Variants in MILR1 observed in about 807,000 individuals in gnomAD.
MILR1 encodes the protein mast cell immunoglobulin like receptor 1.
In MILR1, 31 loss-of-function variants were observed where a neutral mutation model predicts 18.5. The ratio of observed to expected loss-of-function variants is 1.68; its 90% CI spans 1.26 to 2.26. The LOEUF (loss-of-function observed/expected upper bound fraction) is 2.26, where lower values mean the gene tolerates loss of function less well. Among genes scored for constraint, MILR1 ranks in the 30% most tolerant of loss-of-function variants. MILR1 has a pLI of 0.00. For missense variants in MILR1, 257 were observed against 157.4 expected (o/e 1.63, Z -3.38); for synonymous variants, 85 against 56.2 (o/e 1.51, Z -2.30).
the MILR1 span, among the ~76,000 whole-genome samples, chr17:64,475,808 C>CTTTTTTTTT: frequency 2.0e-5 from 2 of 102,502 alleles, no homozygotes; most frequent in Non-Finnish European, 3.5e-5. Flanking sequence ...CTACCACTTC[C>CTTTTTTTTT]TTTTTTTTTT....
At chr17:64,457,299 T>A (rs1344947482) in intron 3 of MILR1, 101 bp from the exon 4 acceptor site, 4 of 410,784 alleles carry the variant, frequency 9.7e-6, no homozygotes, top group Non-Finnish European at 1.8e-5. Context: ...TTCATCTTGG[T>A]TCCACAGCCT....
At position 64,450,140 on chromosome 17, in the gene MILR1, TC is replaced by T. The variant is rs2037135542; in HGVS notation, c.97+786del. 4.6e-5 allele frequency among the ~76,000 whole-genome samples: 7 copies of T among 150,934 alleles called. 1 individual carries two copies. The South Asian group carries it at 1.5e-3, about 31-fold the overall frequency. On this transcript the variant is annotated intron_variant, in intron 2 of 9. Coordinates refer to ENST00000619286, the MANE Select transcript of MILR1 (RefSeq NM_001085423.2). ...TTTTTTGTAGAGACGGGGTTTCACA[TC>T]GTTAGCCAGGATGGTCTCGATCTCC...
chr17:64,495,787 C>T, the MILR1 span, among the ~76,000 whole-genome samples: 3 of 151,976 alleles, frequency 2.0e-5, no homozygotes, highest in African/African-American at 7.3e-5. Context: ...CGGCTCACTG[C>T]AACCTCTGCC....
the MILR1 span, chr17:64,485,896 T>C: frequency 6.2e-7 from 1 of 1,612,682 alleles, no homozygotes; most frequent in Admixed American, 1.7e-5. Flanking sequence ...AGAAAAATAA[T>C]CATTTCACAG....
At chr17:64,464,662 C>T (rs561542129) in intron 5 of MILR1, among the ~76,000 whole-genome samples, 1,827 of 152,264 alleles carry the variant, frequency 0.012, 38 homozygotes, top group African/African-American at 0.041. Flanking sequence ...TGAGGCTGGC[C>T]GGGCACAGTG....
the MILR1 span, chr17:64,492,951 A>T: frequency 1.2e-6 from 2 of 1,613,960 alleles, no homozygotes; most frequent in Non-Finnish European, 1.7e-6. Flanking sequence ...AACACACTCC[A>T]ATCTGAGCAA....
At chr17:64,460,439 G>A (rs2037406922) in intron 4 of MILR1, among the ~76,000 whole-genome samples, 1 of 152,156 alleles carries the variant, frequency 6.6e-6, no homozygotes, top group Non-Finnish European at 1.5e-5. Flanking sequence ...CCGGGCTCAA[G>A]CGATCACCCT....
rs1291187377 is a variant in MILR1, at chr17:64,466,535, A to C, written c.910+37A>C. On this transcript the variant is annotated intron_variant, in intron 7 of 9. Coordinates refer to ENST00000619286, the MANE Select transcript of MILR1 (RefSeq NM_001085423.2). ...CTGCAGAGTCTATTCCACTGCCCTC[A>C]TGCGCTTAGAAATTCACATAATTGG... 4.3e-6 allele frequency: 7 copies of C among 1,612,490 alleles called. No individual in the cohort carries two copies. In the South Asian group the frequency reaches 7.7e-5, roughly 18 times the overall value.
chr17:64,462,814 C>T (rs2144059886), intron 5 of MILR1, among the ~76,000 whole-genome samples: 1 of 151,922 alleles, frequency 6.6e-6, no homozygotes, highest in Admixed American at 6.6e-5. Context: ...TTAGTAAAGA[C>T]AGGGTTTCAC....
chr17:64,457,407 G>A lies in MILR1; in HGVS notation c.375G>A (p.Val125=), dbSNP rs2037324006. 2 of 475,238 alleles carry A rather than the reference G, an allele frequency of 4.2e-6. No homozygotes were observed. The highest frequency in any genetic ancestry group is 7.7e-6 in the Non-Finnish European group (2 of 259,080). 29.4% of individuals were successfully genotyped at this position (475,238 alleles called of 1,614,324 possible). The part of the protein sequence containing the change: ...RDFSFTIVDP[V]TSPVLNIMVI... ...TCACTTTCATTCTTCCAGACCCGGT[G>A]ACTTCCCCAGTGCTGAACATTATGG... is the stretch of plus-strand genomic sequence containing the variant. The change falls in exon 4 of 10, where the codon GTG becomes GTA. Residue 125 remains valine, a synonymous_variant. Coordinates refer to ENST00000619286, the MANE Select transcript of MILR1 (RefSeq NM_001085423.2).
intron 6 of MILR1, among the ~76,000 whole-genome samples, chr17:64,466,176 A>G (rs927929161): frequency 1.3e-5 from 2 of 152,200 alleles, no homozygotes; most frequent in Admixed American, 6.5e-5. Context: ...TGTGAGAACT[A>G]ACTCACTGTC....
At chr17:64,459,884 G>A (rs2037383713) in intron 4 of MILR1, among the ~76,000 whole-genome samples, 1 of 152,178 alleles carries the variant, frequency 6.6e-6, no homozygotes, top group Admixed American at 6.6e-5. Flanking sequence ...AATGTTGCTG[G>A]TATTCGTCCT....
the MILR1 span, among the ~76,000 whole-genome samples, chr17:64,479,210 G>A: frequency 6.9e-6 from 1 of 144,258 alleles, no homozygotes; most frequent in Admixed American, 6.9e-5. Flanking sequence ...TTGAGAAGGA[G>A]TCTCGCTCTG....
chr17:64,496,963 G>C, the MILR1 span: 1 of 1,605,206 alleles, frequency 6.2e-7, no homozygotes, highest in African/African-American at 1.3e-5. Flanking sequence ...CTACACGAGA[G>C]CGCATCTCTC....
At chr17:64,477,998 A>T in the MILR1 span, 6 of 1,613,282 alleles carry the variant, frequency 3.7e-6, no homozygotes, top group Non-Finnish European at 3.4e-6. Flanking sequence ...CCTAAGAAAA[A>T]AGTAGTTAAA....
intron 3 of MILR1, among the ~76,000 whole-genome samples, chr17:64,454,769 G>A (rs1479858062): frequency 2.0e-5 from 3 of 152,114 alleles, no homozygotes; most frequent in Admixed American, 1.3e-4. Flanking sequence ...TGAGGCGGGA[G>A]GATCACCTGA....
rs782086249 is a variant in MILR1 at position 64,465,436 on chromosome 17, C to T, written c.764-16C>T. On this transcript the variant is annotated splice_polypyrimidine_tract_variant and intron_variant, in intron 5 of 9. Transcript: ENST00000619286. Reference sequence around the variant, plus strand: ...CTGAATTGGTTTAATTTGATGATTCCTACCTATTTACGTAGGAAAAGCTAT... The same window carrying T: ...CTGAATTGGTTTAATTTGATGATTCTTACCTATTTACGTAGGAAAAGCTAT... 44 of 1,554,688 alleles carry T rather than the reference C, an allele frequency of 2.8e-5. No individual in the cohort carries two copies. The highest frequency in any genetic ancestry group is 8.8e-7 in the Non-Finnish European group (1 of 1,134,324).
chr17:64,465,052 C>T (rs1380519674), intron 5 of MILR1, among the ~76,000 whole-genome samples: 2 of 152,170 alleles, frequency 1.3e-5, no homozygotes, highest in African/African-American at 4.8e-5. Flanking sequence ...CACGATAGTG[C>T]CACTGCACTC....
At chr17:64,474,481 C>A in the MILR1 span, among the ~76,000 whole-genome samples, 1 of 152,080 alleles carries the variant, frequency 6.6e-6, no homozygotes. Context: ...CTCAAGCCGT[C>A]CACACCCATC....
Sources: gnomAD v4.1 joint callset for allele counts (sites outside exome capture counted in the v4.1 genomes callset) on GRCh38, gnomAD v4.1.1 for gene constraint, MANE v1.5 for transcripts, NCBI Gene and HGNC (gene_info 2026-07-23, HGNC 2026-07-21) for gene names.